The following PRKDC variants were observed in gnomAD, a reference collection of about 807,000 sequenced individuals.
The protein encoded by PRKDC is DNA-dependent protein kinase catalytic subunit.
Under a neutral mutation model 486.9 loss-of-function variants are expected in PRKDC, and 82 were observed. That is an observed-to-expected ratio of 0.17 (90% CI 0.14 to 0.20). PRKDC has a LOEUF of 0.20. Ranked by LOEUF, PRKDC falls within the 10% of genes least tolerant of loss-of-function variation. PRKDC has a pLI of 1.00. For missense variants in PRKDC, 4,504 were observed against 5,038.2 expected, an observed-to-expected ratio of 0.89 and a Z score of 3.21; for synonymous variants, 1,895 against 1,837.0, an observed-to-expected ratio of 1.03 and a Z score of -0.81.
At chr8:47,893,509 T>A in intron 30 of PRKDC, 122 bp from the exon 31 acceptor site, 1 of 1,016,464 alleles carries the variant, frequency 9.8e-7, no homozygotes, top group Non-Finnish European at 1.3e-6. Flanking sequence ...GCATTCAACT[T>A]GTTTCACTGT....
chr8:47,952,011 T>C (rs990794056), intron 7 of PRKDC, among the ~76,000 whole-genome samples: 3 of 152,160 alleles, frequency 2.0e-5, no homozygotes, highest in Non-Finnish European at 4.4e-5. Context: ...TGTGCACTGT[T>C]GGTGGGAATG....
At chr8:47,888,464 A>G in intron 34 of PRKDC, 54 bp downstream of exon 34, 1 of 1,397,408 alleles carries the variant, frequency 7.2e-7, no homozygotes. Context: ...AAATAAATAC[A>G]CTAATTATCA....
intron 13 of PRKDC, 129 bp downstream of exon 13, chr8:47,935,603 C>A: frequency 2.9e-6 from 3 of 1,046,390 alleles, no homozygotes; most frequent in South Asian, 2.4e-5. Flanking sequence ...TTTGGTCTAC[C>A]AAAATTTAGG....
Position 47,803,409 on chromosome 8 carries a change from C to T in PRKDC, c.9819G>A (p.Leu3273=). The T allele has an allele frequency of 2.5e-6, 4 of 1,614,004 alleles. No individual in the cohort carries two copies. Among genetic ancestry groups the T allele is most frequent in the Non-Finnish European group, 3.4e-6 (4 of 1,179,888 alleles). Residue 3273 remains leucine (L), a synonymous_variant, in exon 70 of 86, where the codon CTG becomes CTA. Transcript: ENST00000314191. The stretch of plus-strand genomic sequence containing the variant: ...GGCAGTAGCTCTGCACCCAGCTCAC[C>T]AGCCAATCGTCTCTGGTTTTTGACT... ...HKESKTRDDW[L]VSWVQSYCRL... is the part of the protein sequence containing the mutation.
At chr8:47,954,066 C>T (rs2090666019) in intron 5 of PRKDC, 147 bp from the exon 6 acceptor site, 2 of 523,070 alleles carry the variant, frequency 3.8e-6, no homozygotes, top group African/African-American at 1.9e-5. Context: ...TTTAGGACTG[C>T]ATTCTTTCCT....
At chr8:47,913,726 A>G (rs2089943555) in intron 24 of PRKDC, among the ~76,000 whole-genome samples, 175 bp downstream of exon 24, 1 of 152,200 alleles carries the variant, frequency 6.6e-6, no homozygotes, top group South Asian at 2.1e-4. Flanking sequence ...TACTTAACTT[A>G]CATTTATCAA....
chr8:47,857,624 C>T (rs546992309), intron 48 of PRKDC, among the ~76,000 whole-genome samples: 44 of 152,240 alleles, frequency 2.9e-4, no homozygotes, highest in Non-Finnish European at 5.4e-4. Context: ...TCTCTCATAG[C>T]TCTCGAAGGA....
In PRKDC at chr8:47,953,887, A is replaced by G. The variant is rs1329644149; in HGVS notation, c.541T>C (p.Leu181=). The G allele has an allele frequency of 1.9e-6, 3 of 1,560,696 alleles. No homozygotes were observed. The highest frequency in any genetic ancestry group is 1.7e-4 in the Middle Eastern group (1 of 6,006). The change falls in exon 6 of 86, where the codon TTG becomes CTG. Residue 181 remains leucine, a synonymous_variant. Transcript: ENST00000314191. ...LEKVYELLGL[L]GEVHPSEMIN... is the part of the protein sequence containing the mutation. ...ATCTCACTAGGATGAACTTCACCCA[A>G]TAATCCTAGGAGCTCATATACTTTT...
chr8:47,895,767 G>A (rs532275473), intron 30 of PRKDC, among the ~76,000 whole-genome samples: 21 of 152,338 alleles, frequency 1.4e-4, no homozygotes, highest in Non-Finnish European at 1.9e-4. Context: ...TAGGCCAGGC[G>A]TGGTAGCTCA....
rs767489623 is a variant in PRKDC, at chr8:47,890,270, G to A, written c.4058C>T (p.Pro1353Leu). Residue 1353 changes from proline (P) to leucine (L), a missense_variant, in exon 32 of 86, where the codon CCG becomes CTG. Physicochemically the swap from Pro to Leu is moderately conservative, Grantham distance 98. Transcript: ENST00000314191. ...EFTTTLLNTSPEGWKLLKKDL... is the reference protein window; with the variant it reads ...EFTTTLLNTSLEGWKLLKKDL... ...AGAGCAGCCTACCTTCCATCCTTCC[G>A]GGGAGGTGTTTAGCAGAGTCGTGGT... 9.9e-6 allele frequency: 16 copies of A among 1,610,184 alleles called. No homozygotes were observed. The highest frequency in any genetic ancestry group is 6.6e-5 in the South Asian group (6 of 90,546).
chr8:47,837,084 CT>C, intron 57 of PRKDC, 127 bp downstream of exon 57: 1 of 1,070,676 alleles, frequency 9.3e-7, no homozygotes, highest in Non-Finnish European at 1.3e-6. Flanking sequence ...AGGCACGAGC[CT>C]TCCCTTTCCT....
intron 1 of PRKDC, among the ~76,000 whole-genome samples, chr8:47,958,740 T>G (rs2090755896): frequency 3.3e-5 from 5 of 151,302 alleles, no homozygotes; most frequent in Admixed American, 3.3e-4. Context: ...TAGCATCTTT[T>G]TTTTTTTTTT....
At chr8:47,801,239 T>C (rs1251038078) in intron 70 of PRKDC, among the ~76,000 whole-genome samples, 1 of 152,054 alleles carries the variant, frequency 6.6e-6, no homozygotes, top group Non-Finnish European at 1.5e-5. Context: ...GCCCGGCTAT[T>C]TTTTGTATTT....
chr8:47,923,605 T>C (rs1427276926), intron 21 of PRKDC, among the ~76,000 whole-genome samples: 1 of 152,194 alleles, frequency 6.6e-6, no homozygotes, highest in Admixed American at 6.5e-5. Flanking sequence ...AAATCACCAT[T>C]TTCACTCTCA....
intron 9 of PRKDC, 78 bp downstream of exon 9, chr8:47,943,775 A>G (rs1311654115): frequency 7.9e-7 from 1 of 1,268,902 alleles, no homozygotes; most frequent in Admixed American, 2.4e-5. Context: ...GCTTTCATTC[A>G]AAGTTTAAGC....
rs899027711 is a variant in PRKDC at position 47,960,131 on chromosome 8, C to T, written c.-5G>A. The stretch of plus-strand genomic sequence containing the variant: ...ACCGGCTCCGGAGCCCGCCATGCCG[C>T]CGAGTCCCGCTCCCGCGCGTGCGCC... On this transcript the variant is annotated 5_prime_UTR_variant, in exon 1 of 86. Coordinates refer to ENST00000314191, the MANE Select transcript of PRKDC (RefSeq NM_006904.7). 1.6e-5 allele frequency: 24 copies of T among 1,483,896 alleles called. No homozygotes were observed. The highest frequency in any genetic ancestry group is 2.1e-5 in the Non-Finnish European group (23 of 1,118,664). 91.9% of individuals were successfully genotyped at this position (1,483,896 alleles called of 1,614,324 possible).
intron 54 of PRKDC, among the ~76,000 whole-genome samples, chr8:47,848,363 T>G (rs2088320141): frequency 6.6e-6 from 1 of 152,170 alleles, no homozygotes; most frequent in African/African-American, 2.4e-5. Context: ...GCCACTGTCC[T>G]AAGTGAACTA....
intron 64 of PRKDC, among the ~76,000 whole-genome samples, chr8:47,822,723 G>A (rs527668311): frequency 1.3e-5 from 2 of 152,280 alleles, no homozygotes; most frequent in South Asian, 2.1e-4. Context: ...CCGGAAGGCA[G>A]AGCTTGCAGT....
intron 4 of PRKDC, among the ~76,000 whole-genome samples, chr8:47,955,087 G>C (rs981686798): frequency 2.0e-5 from 3 of 152,134 alleles, no homozygotes; most frequent in Admixed American, 1.3e-4. Flanking sequence ...CTGGGAGACA[G>C]AAGTTGCAGT....
Sources: gnomAD v4.1 joint callset for allele counts (sites outside exome capture counted in the v4.1 genomes callset) on GRCh38, gnomAD v4.1.1 for gene constraint, MANE v1.5 for transcripts, NCBI Gene and HGNC (gene_info 2026-07-23, HGNC 2026-07-21) for gene names.